Variants in FANCM observed in about 807,000 individuals in gnomAD.
FANCM encodes the protein FA complementation group M, also known as Fanconi anemia group M protein.
A neutral mutation model predicts 199.5 loss-of-function variants in FANCM; 140 were observed. The ratio of observed to expected loss-of-function variants is 0.70; its 90% CI spans 0.61 to 0.81. FANCM has a LOEUF of 0.81. Ranked by LOEUF, FANCM falls within the 30% of genes least tolerant of loss-of-function variation. The pLI, the probability that FANCM is intolerant of heterozygous loss-of-function variation, is 0.00. For missense variants in FANCM, 2,410 were observed against 2,421.4 expected, an observed-to-expected ratio of 1.00 and a Z score of 0.10; for synonymous variants, 840 against 836.8, an observed-to-expected ratio of 1.00 and a Z score of -0.07.
At position 45,154,683 on chromosome 14, in the gene FANCM, C is replaced by G. The variant is rs766810193; in HGVS notation, c.1184-14C>G. ...ATTATTATTTATTTGAAAACCTTTT[C>G]TTAATTTCTGAAGGGATGACACGGT... is the stretch of plus-strand genomic sequence containing the variant. On this transcript the variant is annotated splice_polypyrimidine_tract_variant and intron_variant, in intron 6 of 22. Transcript: ENST00000267430. 6 of 1,548,776 alleles carry G rather than the reference C, an allele frequency of 3.9e-6. No individual in the cohort carries two copies. The highest frequency in any genetic ancestry group is 2.7e-5 in the African/African-American group (2 of 73,636).
At chr14:45,153,050 G>A (rs1011923326) in intron 5 of FANCM, among the ~76,000 whole-genome samples, 1 of 152,174 alleles carries the variant, frequency 6.6e-6, no homozygotes, top group Non-Finnish European at 1.5e-5. Flanking sequence ...TAACATTGAT[G>A]TTAAGTGCTA....
chr14:45,155,532 G>A (rs1887123383), intron 8 of FANCM, 73 bp downstream of exon 8: 8 of 813,232 alleles, frequency 9.8e-6, no homozygotes, highest in South Asian at 9.6e-5. Flanking sequence ...ATGGCTGGGT[G>A]CAGTGGTTCA....
chr14:45,180,270 G>A (rs1317910686), intron 14 of FANCM, among the ~76,000 whole-genome samples: 3 of 152,134 alleles, frequency 2.0e-5, no homozygotes, highest in Non-Finnish European at 4.4e-5. Context: ...GATATTTCAT[G>A]AGGTAATAGT....
intron 3 of FANCM, among the ~76,000 whole-genome samples, chr14:45,141,611 C>T (rs1885965210): frequency 1.4e-5 from 2 of 138,440 alleles, no homozygotes; most frequent in African/African-American, 5.4e-5. Flanking sequence ...TTTTTTTTGA[C>T]GGAGTTTTGC....
At chr14:45,156,274 T>G (rs1887183573) in intron 8 of FANCM, among the ~76,000 whole-genome samples, 1 of 152,120 alleles carries the variant, frequency 6.6e-6, no homozygotes, top group Non-Finnish European at 1.5e-5. Flanking sequence ...CCAGTGTGGT[T>G]AGATTGAGGC....
intron 14 of FANCM, chr14:45,181,025 A>G (rs967696097): frequency 3.1e-5 from 6 of 193,770 alleles, no homozygotes; most frequent in South Asian, 9.5e-5. Flanking sequence ...TGTAGCTTGC[A>G]TTTTTATGCT....
At chr14:45,137,012 A>G in intron 1 of FANCM, 57 bp from the exon 2 acceptor site, 1 of 1,310,128 alleles carries the variant, frequency 7.6e-7, no homozygotes, top group South Asian at 1.2e-5. Flanking sequence ...CAGACTATTT[A>G]TATTTTATAG....
chr14:45,149,972 T>C (rs1160753635), intron 4 of FANCM, among the ~76,000 whole-genome samples: 3 of 152,164 alleles, frequency 2.0e-5, no homozygotes, highest in African/African-American at 7.2e-5. Context: ...CAAATGTCAA[T>C]ATTATAGCTG....
intron 1 of FANCM, 119 bp from the exon 2 acceptor site, chr14:45,136,950 C>T: frequency 1.2e-6 from 1 of 814,226 alleles, no homozygotes; most frequent in East Asian, 2.6e-5. Context: ...GATGAATTGT[C>T]AAATTGTTTT....
At position 45,175,825 on chromosome 14, in the gene FANCM, C is replaced by T. The variant is rs2139245784; in HGVS notation, c.3071C>T (p.Pro1024Leu). The T allele has an allele frequency of 1.2e-6, 2 of 1,613,734 alleles. No homozygotes were observed. The highest frequency in any genetic ancestry group is 1.7e-6 in the Non-Finnish European group (2 of 1,179,908). ...GCACTTGAGAATTTGCTTTTCTTAC[C>T]CTGTGCAGAGCATTTACGAAGTGAT... ...GTALENLLFLPCAEHLRSDKC... is the reference protein window; with the variant it reads ...GTALENLLFLLCAEHLRSDKC... Residue 1024 changes from proline to leucine, a missense_variant, in exon 14 of 23, where the codon CCC (proline) becomes CTC (leucine). Transcript: ENST00000267430.
intron 11 of FANCM, among the ~76,000 whole-genome samples, chr14:45,169,095 C>T (rs1042570554): frequency 1.3e-5 from 2 of 151,380 alleles, no homozygotes; most frequent in Admixed American, 6.6e-5. Flanking sequence ...CTCATTTTTA[C>T]GTTTTTAGTA....
chr14:45,136,748 C>T (rs1209535699), intron 1 of FANCM, among the ~76,000 whole-genome samples: 1 of 152,176 alleles, frequency 6.6e-6, no homozygotes, highest in Non-Finnish European at 1.5e-5. Context: ...CTATTATGTG[C>T]GTATACCCCA....
chr14:45,145,187 C>A (rs1366067199), intron 3 of FANCM, among the ~76,000 whole-genome samples: 1 of 151,668 alleles, frequency 6.6e-6, no homozygotes, highest in African/African-American at 2.4e-5. Context: ...TGTGGCTGAG[C>A]TGATATCCAG....
chr14:45,169,122 G>A (rs558947107), intron 11 of FANCM, among the ~76,000 whole-genome samples: 4 of 151,624 alleles, frequency 2.6e-5, no homozygotes, highest in African/African-American at 4.8e-5. Context: ...GGGTTTCTCC[G>A]TGTTGGCCAG....
intron 8 of FANCM, among the ~76,000 whole-genome samples, chr14:45,157,248 A>G (rs1887264241): frequency 6.6e-6 from 1 of 152,224 alleles, no homozygotes; most frequent in Admixed American, 6.5e-5. Flanking sequence ...TCTCAGAAGA[A>G]TGATTGCTGC....
chr14:45,182,859 C>T (rs955088941), intron 16 of FANCM, among the ~76,000 whole-genome samples: 3 of 152,034 alleles, frequency 2.0e-5, no homozygotes, highest in African/African-American at 7.2e-5. Flanking sequence ...TAAACGTGTT[C>T]AAAACACTTA....
rs111252426 is a variant in FANCM, at chr14:45,136,250, C to G, written c.219C>G (p.Gly73=). 2 of 1,614,118 alleles carry G rather than the reference C, an allele frequency of 1.2e-6. No individual in the cohort carries two copies. The highest frequency in any genetic ancestry group is 1.3e-5 in the African/African-American group (1 of 75,018). Residue 73 remains glycine, a synonymous_variant, in exon 1 of 23, where the codon GGC becomes GGG. Transcript: ENST00000267430. ...AGCGGCAGTTGTGTCTAGAGAATGGCGGGTTCTGCACCTCCGCGGGCGCCC... is the reference window on the plus strand; with the variant it reads ...AGCGGCAGTTGTGTCTAGAGAATGGGGGGTTCTGCACCTCCGCGGGCGCCC... ...EAERQLCLEN[G]GFCTSAGALW...
rs377566987 is a variant in FANCM, at chr14:45,179,083, C to T, written c.4222+2107C>T. ...GCGTCGTGGCACGTTCCTGTAGTCC[C>T]AGCTACTCAGGAGGCTGAGGCAGGA... On this transcript the variant is annotated intron_variant, in intron 14 of 22. Coordinates refer to ENST00000267430, the MANE Select transcript of FANCM (RefSeq NM_020937.4). Among the ~76,000 whole-genome samples, 3 of 152,218 alleles carry T rather than the reference C, an allele frequency of 2.0e-5. No homozygotes were observed. The East Asian group carries it at 5.8e-4, about 29-fold the overall frequency.
chr14:45,169,987 C>G (rs1888236425), intron 11 of FANCM, among the ~76,000 whole-genome samples: 1 of 152,264 alleles, frequency 6.6e-6, no homozygotes, highest in African/African-American at 2.4e-5. Context: ...ACACCCCCAC[C>G]AAGCTTCAGA....
Sources: allele counts gnomAD v4.1 joint callset (sites outside exome capture counted in the v4.1 genomes callset), GRCh38; gene constraint gnomAD v4.1.1; transcripts MANE v1.5; gene names NCBI Gene and HGNC (gene_info 2026-07-23, HGNC 2026-07-21).